MMP26: variants seen among roughly 807,000 people sequenced by gnomAD.
MMP26 encodes the protein matrix metalloproteinase-26.
MMP26 carries 33 observed loss-of-function variants against 31.0 expected under a neutral mutation model. The observed-to-expected ratio is 1.06, with a 90% CI of 0.81 to 1.42. MMP26 has a LOEUF of 1.42. MMP26 is among the 40% of genes most tolerant of loss of function. The pLI, the probability that MMP26 is intolerant of heterozygous loss-of-function variation, is 0.00. For missense variants in MMP26, 347 were observed against 316.1 expected (o/e 1.10, Z -0.74); for synonymous variants, 122 against 114.9 (o/e 1.06, Z -0.40).
At chr11:4,757,974 AC>A (rs1357911277) in intron 1 of MMP26, among the ~76,000 whole-genome samples, 3 of 152,134 alleles carry the variant, frequency 2.0e-5, no homozygotes, top group African/African-American at 7.2e-5. Context: ...ACATAAACTT[AC>A]CATATGATCC....
intron 2 of MMP26, among the ~76,000 whole-genome samples, chr11:4,837,210 A>C (rs534317109): frequency 6.6e-6 from 1 of 152,190 alleles, no homozygotes; most frequent in African/African-American, 2.4e-5. Context: ...CACCAACCTA[A>C]CATTTATTTA....
In MMP26 at chr11:4,769,255, G is replaced by T. The variant is rs1288552034; in HGVS notation, c.-145+1914G>T. 14 of 1,613,476 alleles carry T rather than the reference G, an allele frequency of 8.7e-6. No homozygotes were observed. The East Asian group carries it at 1.1e-4, about 13-fold the overall frequency. On this transcript the variant is annotated intron_variant, in intron 2 of 7. Transcript: ENST00000380390. Reference sequence around the variant, plus strand: ...TTCTGAGGACAGAGTGAATAATTAAGATATATGACAGGACAATGCATGGTG... The same window carrying T: ...TTCTGAGGACAGAGTGAATAATTAATATATATGACAGGACAATGCATGGTG...
At chr11:4,794,752 G>A (rs940036519) in intron 2 of MMP26, among the ~76,000 whole-genome samples, 14 of 152,174 alleles carry the variant, frequency 9.2e-5, no homozygotes, top group African/African-American at 2.9e-4. Context: ...CGACAAGCAG[G>A]TGCTGGCTAT....
intron 2 of MMP26, among the ~76,000 whole-genome samples, chr11:4,919,913 A>G (rs1346657450): frequency 6.6e-6 from 1 of 152,102 alleles, no homozygotes; most frequent in Non-Finnish European, 1.5e-5. Flanking sequence ...ATCCACTCAG[A>G]ACTCAGTCCT....
rs747591825 is a variant in MMP26, at chr11:4,848,306, G to A, written c.-145+80965G>A. 20 of 1,613,822 alleles carry A rather than the reference G, an allele frequency of 1.2e-5. No homozygotes were observed. In the African/African-American group the frequency reaches 2.5e-4, roughly 20 times the overall value. On this transcript the variant is annotated intron_variant, in intron 2 of 7. Coordinates refer to ENST00000380390, the MANE Select transcript of MMP26 (RefSeq NM_021801.5). ...TTCTCTTTCTAATCTCCTTCATCTTGACACTATAGAGAATAGGGTTTATCA... is the reference window on the plus strand; with the variant it reads ...TTCTCTTTCTAATCTCCTTCATCTTAACACTATAGAGAATAGGGTTTATCA...
intron 2 of MMP26, among the ~76,000 whole-genome samples, chr11:4,853,781 T>C (rs958105787): frequency 6.6e-6 from 1 of 152,152 alleles, no homozygotes; most frequent in African/African-American, 2.4e-5. Context: ...TATAAAATCC[T>C]ACTCAATCCA....
chr11:4,933,269 T>C (rs1211307457), intron 2 of MMP26, among the ~76,000 whole-genome samples: 1 of 152,068 alleles, frequency 6.6e-6, no homozygotes, highest in Non-Finnish European at 1.5e-5. Context: ...TTATTCAAAA[T>C]TATCTGTGTT....
At chr11:4,900,613 G>T (rs894176632) in intron 2 of MMP26, among the ~76,000 whole-genome samples, 1 of 152,102 alleles carries the variant, frequency 6.6e-6, no homozygotes, top group Non-Finnish European at 1.5e-5. Context: ...TAAATTGTCA[G>T]GTCCACTCAG....
intron 1 of MMP26, among the ~76,000 whole-genome samples, chr11:4,742,852 T>C (rs1230865899): frequency 6.6e-6 from 1 of 152,180 alleles, no homozygotes; most frequent in Non-Finnish European, 1.5e-5. Context: ...TGGTACTATG[T>C]GGTTTATGTG....
At chr11:4,848,454 A>G in intron 2 of MMP26, 2 of 1,613,872 alleles carry the variant, frequency 1.2e-6, no homozygotes, top group Non-Finnish European at 8.5e-7. Context: ...CACTGCAGAG[A>G]GGTGGGCAGC....
At chr11:4,801,590 T>A (rs1229365320) in intron 2 of MMP26, among the ~76,000 whole-genome samples, 5 of 151,894 alleles carry the variant, frequency 3.3e-5, no homozygotes, top group Non-Finnish European at 1.5e-5. Context: ...TTGCCCATGC[T>A]GGAGTCCAAT....
At chr11:4,813,298 T>A (rs1485254300) in intron 2 of MMP26, among the ~76,000 whole-genome samples, 2 of 152,210 alleles carry the variant, frequency 1.3e-5, no homozygotes, top group Admixed American at 1.3e-4. Flanking sequence ...GAAAAATAGA[T>A]CAATACATTA....
intron 2 of MMP26, chr11:4,769,212 A>G: frequency 1.2e-6 from 2 of 1,613,828 alleles, no homozygotes; most frequent in African/African-American, 1.3e-5. Context: ...ACCTTGTGCC[A>G]TTCTTCAGGG....
At chr11:4,933,889 C>A (rs1306310223) in intron 2 of MMP26, among the ~76,000 whole-genome samples, 8 of 149,616 alleles carry the variant, frequency 5.3e-5, no homozygotes, top group Non-Finnish European at 8.9e-5. Context: ...CATGTCCCTA[C>A]AAAGGACGTG....
intron 1 of MMP26, among the ~76,000 whole-genome samples, chr11:4,735,319 T>C (rs1242776868): frequency 2.6e-5 from 4 of 152,170 alleles, no homozygotes; most frequent in African/African-American, 4.8e-5. Context: ...ACTATATATA[T>C]GTGTGTGTGT....
At chr11:4,789,448 A>G (rs959506275) in intron 2 of MMP26, among the ~76,000 whole-genome samples, 2 of 150,750 alleles carry the variant, frequency 1.3e-5, no homozygotes, top group Admixed American at 6.6e-5. Context: ...TTTTTTTGAC[A>G]GGAATAGAGC....
chr11:4,736,766 C>T (rs1848246411), intron 1 of MMP26: 1 of 152,378 alleles, frequency 6.6e-6, no homozygotes, highest in African/African-American at 2.4e-5. Flanking sequence ...ACTGAGGACT[C>T]CATGACAGTA....
At chr11:4,924,898 C>T (rs1851247057) in intron 2 of MMP26, among the ~76,000 whole-genome samples, 2 of 152,092 alleles carry the variant, frequency 1.3e-5, no homozygotes, top group Admixed American at 1.3e-4. Context: ...CAGGTCTGTT[C>T]CTGTAATATC....
At chr11:4,750,997 A>G (rs923984581) in intron 1 of MMP26, among the ~76,000 whole-genome samples, 15 of 152,126 alleles carry the variant, frequency 9.9e-5, no homozygotes, top group South Asian at 4.1e-4. Context: ...CTAAAGTTCC[A>G]TAATAGCCAT....
Sources: gnomAD v4.1 joint callset for allele counts (sites outside exome capture counted in the v4.1 genomes callset) on GRCh38, gnomAD v4.1.1 for gene constraint, MANE v1.5 for transcripts, NCBI Gene and HGNC (gene_info 2026-07-23, HGNC 2026-07-21) for gene names.